Variants in NRXN3 observed in about 807,000 individuals in gnomAD.
NRXN3 encodes the protein neurexin III.
In NRXN3, 32 loss-of-function variants were observed where a neutral mutation model predicts 137.6. That is an observed-to-expected ratio of 0.23 (90% CI 0.18 to 0.31). The LOEUF is 0.31. NRXN3 is among the 10% of genes least tolerant of loss of function. The pLI, the probability that NRXN3 is intolerant of heterozygous loss-of-function variation, is 1.00. For synonymous variants in NRXN3, 798 were observed against 784.5 expected, an observed-to-expected ratio of 1.02 and a Z score of -0.29; for missense variants, 1,574 against 2,062.5, an observed-to-expected ratio of 0.76 and a Z score of 4.59.
At chr14:78,245,792 G>T (rs957467462) in intron 2 of NRXN3, among the ~76,000 whole-genome samples, 14 of 152,140 alleles carry the variant, frequency 9.2e-5, no homozygotes, top group Admixed American at 1.3e-4. Flanking sequence ...TCCTGTGGGT[G>T]GGCTGTCAGA....
At chr14:79,275,370 G>A (rs75627326) in intron 15 of NRXN3, among the ~76,000 whole-genome samples, 274 of 152,176 alleles carry the variant, frequency 1.8e-3, no homozygotes, top group African/African-American at 6.3e-3. Context: ...AGAAACAGTC[G>A]GTTCTGATGC....
intron 8 of NRXN3, among the ~76,000 whole-genome samples, chr14:78,802,440 G>A (rs942191336): frequency 1.3e-5 from 2 of 152,130 alleles, no homozygotes; most frequent in Non-Finnish European, 2.9e-5. Flanking sequence ...GTTAAATGAC[G>A]AGTCAATGGG....
intron 15 of NRXN3, among the ~76,000 whole-genome samples, chr14:79,429,177 T>C (rs2095705027): frequency 1.3e-5 from 2 of 152,186 alleles, no homozygotes; most frequent in Admixed American, 6.5e-5. Context: ...AGATGAGCTC[T>C]TCTTGTATAT....
At chr14:78,735,681 A>G (rs755607277) in intron 8 of NRXN3, among the ~76,000 whole-genome samples, 7 of 152,170 alleles carry the variant, frequency 4.6e-5, no homozygotes. Context: ...GGATCAGTCA[A>G]TTCTTATCCT....
intron 15 of NRXN3, among the ~76,000 whole-genome samples, chr14:79,273,972 C>T (rs1262392622): frequency 1.3e-5 from 2 of 151,832 alleles, no homozygotes; most frequent in Non-Finnish European, 2.9e-5. Context: ...TGGTGCATTC[C>T]TGTAATCCCA....
intron 19 of NRXN3, among the ~76,000 whole-genome samples, chr14:79,717,895 T>C (rs2098828984): frequency 6.6e-6 from 1 of 152,208 alleles, no homozygotes; most frequent in Admixed American, 6.5e-5. Flanking sequence ...AGCGCATTCA[T>C]TCCACAAACA....
At chr14:79,732,253 G>C (rs910450452) in intron 19 of NRXN3, among the ~76,000 whole-genome samples, 1 of 152,070 alleles carries the variant, frequency 6.6e-6, no homozygotes, top group Non-Finnish European at 1.5e-5. Context: ...CTGTATGTCT[G>C]ATAAACTAAG....
intron 15 of NRXN3, among the ~76,000 whole-genome samples, chr14:79,033,584 T>G (rs886843697): frequency 5.9e-5 from 9 of 152,090 alleles, no homozygotes; most frequent in Admixed American, 2.0e-4. Flanking sequence ...AGAGTTATAT[T>G]TTGATCAACC....
chr14:79,635,179 G>T (rs759183010), intron 16 of NRXN3, among the ~76,000 whole-genome samples: 8 of 152,130 alleles, frequency 5.3e-5, no homozygotes, highest in Non-Finnish European at 7.4e-5. Flanking sequence ...ACATCACATT[G>T]TACCCCATAA....
At chr14:79,086,658 G>A (rs1244985645) in intron 15 of NRXN3, among the ~76,000 whole-genome samples, 1 of 152,084 alleles carries the variant, frequency 6.6e-6, no homozygotes, top group African/African-American at 2.4e-5. Context: ...TACGTCGAAG[G>A]CTTTTCCTTA....
rs544940844 is a variant in NRXN3 at position 78,702,296 on chromosome 14, C to A, written c.1222-6921C>A. 3.2e-3 allele frequency among the ~76,000 whole-genome samples: 486 copies of A among 149,774 alleles called. 4 individuals are homozygous for A. The highest frequency in any genetic ancestry group is 0.011 in the African/African-American group (472 of 41,148). ...AATTTATAAATACATATATGAAGTTCATAAATAAATAATATATAACTTATA... is the reference window on the plus strand; with the variant it reads ...AATTTATAAATACATATATGAAGTTAATAAATAAATAATATATAACTTATA... On this transcript the variant is annotated intron_variant, in intron 6 of 20. Coordinates refer to ENST00000335750, the MANE Select transcript of NRXN3 (RefSeq NM_001330195.2).
chr14:79,770,305 A>T (rs1315552150), intron 19 of NRXN3, among the ~76,000 whole-genome samples: 2 of 152,054 alleles, frequency 1.3e-5, no homozygotes, highest in East Asian at 1.9e-4. Context: ...CTCCACCCCA[A>T]ATCAACAGAC....
intron 15 of NRXN3, among the ~76,000 whole-genome samples, chr14:79,414,887 A>G (rs1297960749): frequency 1.3e-5 from 2 of 152,098 alleles, no homozygotes; most frequent in East Asian, 3.9e-4. Flanking sequence ...ACCCCTGGTA[A>G]CCACACTTCT....
intron 16 of NRXN3, among the ~76,000 whole-genome samples, chr14:79,614,871 G>T (rs2098138979): frequency 6.6e-6 from 1 of 152,202 alleles, no homozygotes; most frequent in African/African-American, 2.4e-5. Context: ...AGCTGCAGCT[G>T]CCTAGTTAGG....
intron 5 of NRXN3, among the ~76,000 whole-genome samples, chr14:78,649,071 CT>C (rs2097713621): frequency 6.6e-6 from 1 of 152,158 alleles, no homozygotes; most frequent in Non-Finnish European, 1.5e-5. Context: ...GTCTCATTGT[CT>C]TCCCCCCACT....
intron 1 of NRXN3, among the ~76,000 whole-genome samples, chr14:78,214,144 T>C (rs1024594166): frequency 6.6e-5 from 10 of 152,224 alleles, no homozygotes; most frequent in African/African-American, 2.4e-4. Flanking sequence ...TTTCTAGCCC[T>C]CCATTCTTAT....
intron 3 of NRXN3, among the ~76,000 whole-genome samples, chr14:78,291,722 C>T: frequency 6.6e-6 from 1 of 152,020 alleles, no homozygotes; most frequent in East Asian, 1.9e-4. Context: ...TTAAAAAGTC[C>T]TTGTGGCTTC....
At chr14:79,364,307 A>G (rs1382038739) in intron 15 of NRXN3, among the ~76,000 whole-genome samples, 1 of 152,356 alleles carries the variant, frequency 6.6e-6, no homozygotes, top group Non-Finnish European at 1.5e-5. Context: ...CTGAGGGGCC[A>G]CAGTAATGGA....
chr14:78,777,302 G>A (rs889802819), intron 8 of NRXN3, among the ~76,000 whole-genome samples: 1 of 152,086 alleles, frequency 6.6e-6, no homozygotes, highest in Non-Finnish European at 1.5e-5. Flanking sequence ...CAAAAGTGAA[G>A]GTTTGACTTA....
Sources: allele counts gnomAD v4.1 joint callset (sites outside exome capture counted in the v4.1 genomes callset), GRCh38; gene constraint gnomAD v4.1.1; transcripts MANE v1.5; gene names NCBI Gene and HGNC (gene_info 2026-07-23, HGNC 2026-07-21).